Variants in STARD13 observed in about 807,000 individuals in gnomAD.
STARD13 encodes stAR-related lipid transfer protein 13.
STARD13 carries 62 observed loss-of-function variants against 106.4 expected under a neutral mutation model. The ratio of observed to expected loss-of-function variants is 0.58; its 90% CI spans 0.48 to 0.72. STARD13 has a LOEUF of 0.72. Among genes scored for constraint, STARD13 ranks in the 30% least tolerant of loss-of-function variants. The pLI is 0.00. For synonymous variants in STARD13, 565 were observed against 553.0 expected (o/e 1.02, Z -0.31); for missense variants, 1,387 against 1,424.0 (o/e 0.97, Z 0.42).
chr13:33,485,344 TA>T, the STARD13 span, among the ~76,000 whole-genome samples: 1 of 152,196 alleles, frequency 6.6e-6, no homozygotes, highest in Non-Finnish European at 1.5e-5. Context: ...CATTTGTTTT[TA>T]AAATGTTTCT....
At chr13:33,354,951 C>A (rs978094614), upstream of STARD13, among the ~76,000 whole-genome samples, 16 of 151,146 alleles carry the variant, frequency 1.1e-4, no homozygotes, top group African/African-American at 3.9e-4. Context: ...CATTTTTTTT[C>A]ACTAAGCAGT....
chr13:33,660,854 G>A, the STARD13 span, among the ~76,000 whole-genome samples: 1 of 152,158 alleles, frequency 6.6e-6, no homozygotes, highest in Non-Finnish European at 1.5e-5. Context: ...AACGTGCTGG[G>A]ATTCTAGATG....
chr13:33,571,348 T>A, the STARD13 span, among the ~76,000 whole-genome samples: 1 of 152,208 alleles, frequency 6.6e-6, no homozygotes, highest in African/African-American at 2.4e-5. Flanking sequence ...AATTAGTATC[T>A]CAATTCAACT....
At chr13:33,498,976 A>G in the STARD13 span, among the ~76,000 whole-genome samples, 1 of 152,164 alleles carries the variant, frequency 6.6e-6, no homozygotes, top group Admixed American at 6.6e-5. Flanking sequence ...CGTCTCTACT[A>G]AAAATACAAA....
At chr13:33,384,934 T>C in the STARD13 span, among the ~76,000 whole-genome samples, 1 of 152,022 alleles carries the variant, frequency 6.6e-6, no homozygotes, top group Non-Finnish European at 1.5e-5. Flanking sequence ...AGAAAGAGAC[T>C]CCAAAGAATA....
the STARD13 span, among the ~76,000 whole-genome samples, chr13:33,547,220 G>A: frequency 7.2e-5 from 11 of 152,172 alleles, no homozygotes; most frequent in African/African-American, 2.6e-4. Flanking sequence ...TTGATGGTTT[G>A]GTTACACAGA....
chr13:33,615,199 A>C, the STARD13 span, among the ~76,000 whole-genome samples: 1 of 152,112 alleles, frequency 6.6e-6, no homozygotes, highest in East Asian at 1.9e-4. Flanking sequence ...GCCTGGAGCA[A>C]TTTAGTGGGT....
At chr13:33,123,538 T>C (rs1294077655) in intron 7 of STARD13, among the ~76,000 whole-genome samples, 1 of 152,202 alleles carries the variant, frequency 6.6e-6, no homozygotes, top group Non-Finnish European at 1.5e-5. Context: ...TATAATCTAT[T>C]CTGTGCACAG....
chr13:33,226,968 T>G (rs570191737), intron 1 of STARD13, among the ~76,000 whole-genome samples: 23 of 152,336 alleles, frequency 1.5e-4, no homozygotes, highest in African/African-American at 5.1e-4. Flanking sequence ...ATATGTATAT[T>G]CATTCGTTCT....
chr13:33,187,634 G>A (rs939607695), intron 1 of STARD13, among the ~76,000 whole-genome samples: 4 of 145,966 alleles, frequency 2.7e-5, no homozygotes, highest in East Asian at 2.0e-4. Context: ...TTTTTACTAT[G>A]GTAAAAAAAA....
chr13:33,508,363 A>G, the STARD13 span, among the ~76,000 whole-genome samples: 1 of 152,204 alleles, frequency 6.6e-6, no homozygotes, highest in Admixed American at 6.5e-5. Context: ...CTTTGCTAAC[A>G]AGTGGAAAAA....
At chr13:33,219,928 T>A (rs970555772) in intron 1 of STARD13, among the ~76,000 whole-genome samples, 10 of 152,004 alleles carry the variant, frequency 6.6e-5, no homozygotes, top group African/African-American at 2.4e-4. Flanking sequence ...TTTTCCATGA[T>A]ATACCCACAG....
At chr13:33,493,696 T>C in the STARD13 span, among the ~76,000 whole-genome samples, 2 of 152,210 alleles carry the variant, frequency 1.3e-5, no homozygotes, top group African/African-American at 4.8e-5. Flanking sequence ...TTTTAAAAAG[T>C]AGCTATTTTC....
chr13:33,514,345 G>C, the STARD13 span, among the ~76,000 whole-genome samples: 1 of 152,134 alleles, frequency 6.6e-6, no homozygotes, highest in Non-Finnish European at 1.5e-5. Context: ...GGGTCTGTTT[G>C]CTTGAAGGAT....
chr13:33,187,826 A>G (rs2019869), intron 1 of STARD13, among the ~76,000 whole-genome samples: 109,778 of 151,708 alleles, frequency 0.72, 39,838 homozygotes, highest in Admixed American at 0.79. Flanking sequence ...GGGATTACAG[A>G]CCTGTGCCAC....
At chr13:33,581,215 T>TA in the STARD13 span, among the ~76,000 whole-genome samples, 1 of 152,296 alleles carries the variant, frequency 6.6e-6, no homozygotes, top group East Asian at 1.9e-4. Context: ...ACTCTGGTCC[T>TA]AAAATATAAC....
At chr13:33,248,003 C>T (rs1889915974) in intron 1 of STARD13, among the ~76,000 whole-genome samples, 3 of 152,170 alleles carry the variant, frequency 2.0e-5, no homozygotes, top group Admixed American at 2.0e-4. Context: ...CACTTGAAGA[C>T]TCAATGAGGC....
the STARD13 span, among the ~76,000 whole-genome samples, chr13:33,451,401 G>A: frequency 6.6e-6 from 1 of 152,296 alleles, no homozygotes; most frequent in Non-Finnish European, 1.5e-5. Context: ...TCGGACACAA[G>A]TCAGGGGATT....
chr13:33,587,680 A>G, the STARD13 span, among the ~76,000 whole-genome samples: 2 of 152,294 alleles, frequency 1.3e-5, no homozygotes, highest in Non-Finnish European at 2.9e-5. Flanking sequence ...GGAGCATAAG[A>G]TTCTGCATTT....
Sources: allele counts gnomAD v4.1 joint callset (sites outside exome capture counted in the v4.1 genomes callset), GRCh38; gene constraint gnomAD v4.1.1; transcripts MANE v1.5; gene names NCBI Gene and HGNC (gene_info 2026-07-23, HGNC 2026-07-21).